ARHGEF33: variants seen among roughly 807,000 people sequenced by gnomAD.
The protein encoded by ARHGEF33 is DH and coiled-coil domain-containing protein ENSP00000381780.
A neutral mutation model predicts 101.9 loss-of-function variants in ARHGEF33; 72 were observed. That is an observed-to-expected ratio of 0.71 (90% CI 0.58 to 0.86). The LOEUF is 0.86. ARHGEF33 is among the 40% of genes least tolerant of loss of function. The probability of loss-of-function intolerance (pLI) is 0.00; values close to 1 mark genes in which losing one functional copy is unlikely to be tolerated. For synonymous variants in ARHGEF33, 499 were observed against 442.5 expected (o/e 1.13, Z -1.60); for missense variants, 1,169 against 1,111.3 (o/e 1.05, Z -0.74).
chr2:38,958,339 T>C lies in ARHGEF33; in HGVS notation c.1535+141T>C, dbSNP rs536769129. On this transcript the variant is annotated intron_variant, in intron 15 of 17. Coordinates refer to ENST00000409978, the MANE Select transcript of ARHGEF33 (RefSeq NM_001145451.5). ...TGTGCCAACCAAGCAGCCAACCCGA[T>C]TCTTGGGTCCCAGAGGAAGGCACTA... The C allele has an allele frequency of 3.0e-5, 32 of 1,081,204 alleles. No individual in the cohort carries two copies. The East Asian group carries it at 7.8e-4, about 26-fold the overall frequency. 67.0% of individuals were successfully genotyped at this position (1,081,204 alleles called of 1,614,324 possible). A position where few individuals can be genotyped will look rare whatever the true frequency, so the allele number is the denominator to read the frequency against.
intron 10 of ARHGEF33, among the ~76,000 whole-genome samples, chr2:38,945,544 T>G (rs921394232): frequency 5.3e-5 from 8 of 152,296 alleles, no homozygotes; most frequent in African/African-American, 1.9e-4. Flanking sequence ...CAGTTCCCCC[T>G]CCTTGACCCT....
chr2:38,929,929 T>G, intron 6 of ARHGEF33, 99 bp downstream of exon 6: 129 of 966,528 alleles, frequency 1.3e-4, no homozygotes, highest in Non-Finnish European at 1.7e-4. Flanking sequence ...TATAGCTAGC[T>G]GGCCACTGTG....
At chr2:38,973,186 T>A (rs1668204456) in intron 17 of ARHGEF33, 2 of 152,508 alleles carry the variant, frequency 1.3e-5, no homozygotes, top group African/African-American at 4.8e-5. Flanking sequence ...ATAGTATCTC[T>A]GCAATCTGAT....
chr2:38,951,316 G>A (rs1415307309), intron 11 of ARHGEF33, among the ~76,000 whole-genome samples, 195 bp downstream of exon 11: 8 of 152,142 alleles, frequency 5.3e-5, no homozygotes, highest in Non-Finnish European at 8.8e-5. Flanking sequence ...AAATCACCCC[G>A]CTAGCTAGGT....
At chr2:38,942,653 G>A (rs1375853951) in intron 9 of ARHGEF33, among the ~76,000 whole-genome samples, 1 of 151,964 alleles carries the variant, frequency 6.6e-6, no homozygotes, top group Non-Finnish European at 1.5e-5. Context: ...TTGAGAATAT[G>A]AATTGTAAGA....
Position 38,959,958 on chromosome 2 carries a change from C to T in ARHGEF33, c.1653C>T (p.Ser551=). The part of the protein sequence containing the change: ...LEGRKHERPE[S]LLAPTQFCAA... ...GCAGGAAGCACGAGCGGCCCGAGAG[C>T]CTTCTGGCACCGACGCAGTTCTGCG... The change falls in exon 16 of 18, where the codon AGC becomes AGT. Residue 551 remains serine, a synonymous_variant. Coordinates refer to ENST00000409978, the MANE Select transcript of ARHGEF33 (RefSeq NM_001145451.5). 2.6e-6 allele frequency: 4 copies of T among 1,551,368 alleles called. No individual in the cohort carries two copies. Among genetic ancestry groups the T allele is most frequent in the African/African-American group, 1.4e-5 (1 of 73,174 alleles).
chr2:38,961,995 G>C (rs1313843208), intron 16 of ARHGEF33, among the ~76,000 whole-genome samples: 1 of 152,178 alleles, frequency 6.6e-6, no homozygotes, highest in African/African-American at 2.4e-5. Flanking sequence ...ATCATGAAGA[G>C]CCTTGGAGCT....
At chr2:38,953,396 A>G (rs529241647) in intron 12 of ARHGEF33, among the ~76,000 whole-genome samples, 151 bp downstream of exon 12, 3 of 152,348 alleles carry the variant, frequency 2.0e-5, no homozygotes, top group African/African-American at 7.2e-5. Context: ...CTGGCATTAA[A>G]GGAACTCACT....
At chr2:38,958,828 C>G (rs1336776410) in intron 15 of ARHGEF33, among the ~76,000 whole-genome samples, 1 of 152,092 alleles carries the variant, frequency 6.6e-6, no homozygotes, top group South Asian at 2.1e-4. Flanking sequence ...ATTACAGGCA[C>G]CTGCCACCAT....
intron 11 of ARHGEF33, among the ~76,000 whole-genome samples, chr2:38,952,442 C>T (rs1667635132): frequency 6.6e-6 from 1 of 152,136 alleles, no homozygotes; most frequent in Non-Finnish European, 1.5e-5. Flanking sequence ...ATGTTGTGAA[C>T]TACTGATCTG....
intron 14 of ARHGEF33, among the ~76,000 whole-genome samples, chr2:38,957,656 C>T (rs1005439585): frequency 6.6e-6 from 1 of 152,248 alleles, no homozygotes; most frequent in African/African-American, 2.4e-5. Flanking sequence ...CAGAAGCAAC[C>T]CACAGCACAG....
intron 1 of ARHGEF33, among the ~76,000 whole-genome samples, chr2:38,890,384 G>A (rs2124973342): frequency 6.6e-6 from 1 of 152,264 alleles, no homozygotes; most frequent in Non-Finnish European, 1.5e-5. Flanking sequence ...AAAAAGATTA[G>A]GGATGGAGGG....
chr2:38,895,644 T>C (rs1398436594), intron 1 of ARHGEF33, 133 bp from the exon 2 acceptor site: 2 of 152,128 alleles, frequency 1.3e-5, no homozygotes, highest in African/African-American at 4.8e-5. Context: ...TTTTTACCTA[T>C]TAGAAATCTT....
At chr2:38,936,750 T>C (rs1444485147) in intron 8 of ARHGEF33, 1 of 151,784 alleles carries the variant, frequency 6.6e-6, no homozygotes, top group Non-Finnish European at 1.5e-5. Flanking sequence ...CTGAGGCAGG[T>C]GGATCACCTG....
At chr2:38,899,929 C>A (rs1383996244) in intron 2 of ARHGEF33, among the ~76,000 whole-genome samples, 1 of 152,042 alleles carries the variant, frequency 6.6e-6, no homozygotes, top group Non-Finnish European at 1.5e-5. Context: ...TGGGTCATGA[C>A]TGTAATCCTA....
chr2:38,933,305 T>A (rs1320548408), intron 7 of ARHGEF33, among the ~76,000 whole-genome samples: 1 of 152,182 alleles, frequency 6.6e-6, no homozygotes, highest in Non-Finnish European at 1.5e-5. Flanking sequence ...GCCTTACAAT[T>A]TGGCAGCTAG....
At chr2:38,954,523 A>G (rs187532209) in intron 13 of ARHGEF33, 67 bp downstream of exon 13, 119 of 846,596 alleles carry the variant, frequency 1.4e-4, no homozygotes, top group Non-Finnish European at 2.1e-4. Context: ...TTGGCTCCCA[A>G]CTGAGAAATA....
intron 17 of ARHGEF33, among the ~76,000 whole-genome samples, chr2:38,966,421 G>A (rs1668052912): frequency 6.6e-6 from 1 of 152,174 alleles, no homozygotes; most frequent in Admixed American, 6.5e-5. Flanking sequence ...GTGGGCAGAG[G>A]TGGTTCCCTT....
At chr2:38,898,424 C>A (rs1666167344) in intron 2 of ARHGEF33, among the ~76,000 whole-genome samples, 1 of 152,218 alleles carries the variant, frequency 6.6e-6, no homozygotes, top group Non-Finnish European at 1.5e-5. Context: ...ACTCCTGATT[C>A]AGCCACTGTC....
Sources: gnomAD v4.1 joint callset for allele counts (sites outside exome capture counted in the v4.1 genomes callset) on GRCh38, gnomAD v4.1.1 for gene constraint, MANE v1.5 for transcripts, NCBI Gene and HGNC (gene_info 2026-07-23, HGNC 2026-07-21) for gene names.